Variants in CAPN7 observed in about 807,000 individuals in gnomAD.
CAPN7 encodes the protein calpain-7.
A neutral mutation model predicts 115.2 loss-of-function variants in CAPN7; 72 were observed. That is an observed-to-expected ratio of 0.63 (90% CI 0.52 to 0.76). The LOEUF (loss-of-function observed/expected upper bound fraction) is 0.76. CAPN7 is among the 30% of genes least tolerant of loss of function. The probability of loss-of-function intolerance (pLI) is 0.00; values close to 1 mark genes in which losing one functional copy is unlikely to be tolerated. For synonymous variants in CAPN7, 344 were observed against 322.3 expected (o/e 1.07, Z -0.72); for missense variants, 905 against 971.5 (o/e 0.93, Z 0.91).
At chr3:15,243,330 C>G (rs1037532241) in intron 16 of CAPN7, among the ~76,000 whole-genome samples, 7 of 152,158 alleles carry the variant, frequency 4.6e-5, no homozygotes, top group African/African-American at 1.7e-4. Flanking sequence ...TTTGGCTTGT[C>G]ATAATCAGGA....
At chr3:15,237,844 G>GC (rs1695085889) in intron 12 of CAPN7, among the ~76,000 whole-genome samples, 1 of 151,876 alleles carries the variant, frequency 6.6e-6, no homozygotes, top group Non-Finnish European at 1.5e-5. Flanking sequence ...GGGCATGGTG[G>GC]CACGTGCCTG....
chr3:15,214,981 A>G (rs528002457), intron 2 of CAPN7, among the ~76,000 whole-genome samples: 1 of 152,364 alleles, frequency 6.6e-6, no homozygotes, highest in Non-Finnish European at 1.5e-5. Context: ...AGTCTCCCAC[A>G]ACAAAGAATT....
In CAPN7 at chr3:15,249,135, G is replaced by A. The variant is rs138655663; in HGVS notation, c.2204+1678G>A. Among the ~76,000 whole-genome samples the A allele has an allele frequency of 2.7e-3, 411 of 151,246 alleles. 4 individuals carry two copies. The highest frequency in any genetic ancestry group is 9.4e-3 in the African/African-American group (388 of 41,112). ...CAGCAGTTAATAACCCATTAGATAC[G>A]AAGATTTGATTAAACTATTTTTCCA... On this transcript the variant is annotated intron_variant, in intron 19 of 20. Coordinates refer to ENST00000253693, the MANE Select transcript of CAPN7 (RefSeq NM_014296.3).
chr3:15,218,468 T>G lies in CAPN7; in HGVS notation c.370-5T>G. The G allele has an allele frequency of 1.9e-6, 3 of 1,604,870 alleles. No homozygotes were observed. The African/African-American group carries it at 4.0e-5, about 21-fold the overall frequency. ...TAAAATGTCTGTCTCTTTCTTTCTC[T>G]TAAGTCTTATGAAACTGCTGATAAA... On this transcript the variant is annotated splice_polypyrimidine_tract_variant and splice_region_variant and intron_variant, in intron 3 of 20. Coordinates refer to ENST00000253693, the MANE Select transcript of CAPN7 (RefSeq NM_014296.3).
intron 6 of CAPN7, among the ~76,000 whole-genome samples, chr3:15,223,979 G>A (rs1694152043): frequency 6.6e-6 from 1 of 152,182 alleles, no homozygotes; most frequent in Non-Finnish European, 1.5e-5. Context: ...AGCCTTCCAG[G>A]ACAATGGCAG....
At chr3:15,217,672 A>G (rs1693717657) in intron 3 of CAPN7, 90 bp downstream of exon 3, 12 of 1,048,316 alleles carry the variant, frequency 1.1e-5, no homozygotes, top group African/African-American at 1.6e-5. Flanking sequence ...TGAATAAAAG[A>G]ATTTTAACAG....
At chr3:15,208,210 C>CGTATGTGTA (rs2044738358) in intron 1 of CAPN7, among the ~76,000 whole-genome samples, 2 of 124,362 alleles carry the variant, frequency 1.6e-5, no homozygotes, top group South Asian at 5.2e-4. Flanking sequence ...TGTGTATATG[C>CGTATGTGTA]TTTTTTTTTT....
At chr3:15,235,276 C>A in intron 12 of CAPN7, 131 bp downstream of exon 12, 1 of 742,762 alleles carries the variant, frequency 1.3e-6, no homozygotes, top group Non-Finnish European at 2.1e-6. Context: ...ATTTCACCTA[C>A]ATTAACTTGA....
In CAPN7 at chr3:15,233,917, G is replaced by A. The variant is rs769353260; in HGVS notation, c.1230G>A (p.Met410Ile). The A allele has an allele frequency of 6.2e-7, 1 of 1,607,546 alleles. No individual in the cohort carries two copies. The highest frequency in any genetic ancestry group is 8.5e-7 in the Non-Finnish European group (1 of 1,175,146). ...GCTGGATACCAGAAAGAATTGCTAT[G>A]CATTCAGATAGCCAAACTTTCAGTA... ...LTGWIPERIAMHSDSQTFSKD... is the reference protein window; with the variant it reads ...LTGWIPERIAIHSDSQTFSKD... The change falls in exon 11 of 21, where the codon ATG (methionine) becomes ATA (isoleucine). Residue 410 changes from methionine (M) to isoleucine (I), a missense_variant. Met to Ile is a conservative substitution (Grantham distance 10). Around this residue, in one of 3 missense-constraint regions of CAPN7, gnomAD observed 620 missense variants for 703.4 expected, o/e 0.88. Coordinates refer to ENST00000253693, the MANE Select transcript of CAPN7 (RefSeq NM_014296.3).
intron 7 of CAPN7, among the ~76,000 whole-genome samples, chr3:15,228,461 A>T (rs1052734213): frequency 6.6e-6 from 1 of 152,254 alleles, no homozygotes; most frequent in African/African-American, 2.4e-5. Flanking sequence ...CATGGAATCA[A>T]CCTAAATGCC....
rs1695991807 is a variant in CAPN7 at position 15,251,261 on chromosome 3, T to C, written c.*1T>C. The C allele has an allele frequency of 1.3e-6, 2 of 1,579,508 alleles. No homozygotes were observed. Among genetic ancestry groups the C allele is most frequent in the African/African-American group, 1.4e-5 (1 of 72,682 alleles). ...CATCAAGATCACACAACTTCAGTGA[T>C]GGAGAAATCTCAAGTTACTGGCTTT... On this transcript the variant is annotated 3_prime_UTR_variant, in exon 21 of 21. Transcript: ENST00000253693.
At chr3:15,248,106 C>G (rs898800964) in intron 19 of CAPN7, among the ~76,000 whole-genome samples, 1 of 151,866 alleles carries the variant, frequency 6.6e-6, no homozygotes, top group South Asian at 2.1e-4. Flanking sequence ...AGCGCACCAG[C>G]ATGGCACATG....
At chr3:15,223,701 G>T (rs1211073418) in intron 6 of CAPN7, 140 bp downstream of exon 6, 1 of 604,874 alleles carries the variant, frequency 1.7e-6, no homozygotes, top group East Asian at 2.8e-5. Context: ...AAAGGGATAG[G>T]GCAACATAGC....
In CAPN7 at chr3:15,234,599, G is replaced by A. The variant is rs562048242; in HGVS notation, c.1287-426G>A. Among the ~76,000 whole-genome samples the A allele has an allele frequency of 2.0e-5, 3 of 152,288 alleles. No individual in the cohort carries two copies. In the South Asian group the frequency reaches 6.2e-4, roughly 32 times the overall value. On this transcript the variant is annotated intron_variant, in intron 11 of 20. Coordinates refer to ENST00000253693, the MANE Select transcript of CAPN7 (RefSeq NM_014296.3). ...AAGTGGGAAAAGAGAAGTCTGAGAA[G>A]TTAAGCCTTAAATGGATAATCCATA...
intron 6 of CAPN7, among the ~76,000 whole-genome samples, chr3:15,224,345 T>C (rs1053290740): frequency 7.2e-5 from 11 of 151,854 alleles, no homozygotes; most frequent in African/African-American, 2.7e-4. Flanking sequence ...TGATCATGAC[T>C]CACTGCAGCC....
Position 15,206,378 on chromosome 3 carries a change from C to A in CAPN7, c.-118C>A. ...GCTCTCCTCCACCGTCCAAAGTAAA[C>A]TTTGCCGCTCCTTCCGCGGCGCTCC... On this transcript the variant is annotated 5_prime_UTR_variant, in exon 1 of 21. Transcript: ENST00000253693. 1.4e-6 allele frequency: 1 copy of A among 715,714 alleles called. No individual in the cohort carries two copies. Among genetic ancestry groups the A allele is most frequent in the Non-Finnish European group, 2.3e-6 (1 of 431,278 alleles). The allele number at this position is 715,714 out of a possible 1,614,324, so 44.3% of individuals were successfully genotyped here.
At chr3:15,232,022 T>C (rs1694722044) in intron 9 of CAPN7, 1 of 235,478 alleles carries the variant, frequency 4.2e-6, no homozygotes, top group Admixed American at 6.0e-5. Context: ...ATTTCTAGAA[T>C]AATATAGGTT....
At chr3:15,211,156 GGAGAAAACTGTTTTCCTTTTACTGT>G (rs1390898770) in intron 1 of CAPN7, among the ~76,000 whole-genome samples, 1 of 152,078 alleles carries the variant, frequency 6.6e-6, no homozygotes, top group Non-Finnish European at 1.5e-5. Flanking sequence ...TATTTTCTGT[GGAGAAAACTGTTTTCCTTTTACTGT>G]GAGATATTTA....
intron 5 of CAPN7, among the ~76,000 whole-genome samples, chr3:15,222,018 C>A (rs1694027865): frequency 7.0e-6 from 1 of 143,834 alleles, no homozygotes; most frequent in Non-Finnish European, 1.5e-5. Context: ...ATATAGTATA[C>A]GTATACGTAT....
Sources: allele counts gnomAD v4.1 joint callset (sites outside exome capture counted in the v4.1 genomes callset), GRCh38; gene constraint gnomAD v4.1.1; regional missense constraint gnomAD v4.1.1; transcripts MANE v1.5; gene names NCBI Gene and HGNC (gene_info 2026-07-23, HGNC 2026-07-21).